CDH1: variants seen among roughly 807,000 people sequenced by gnomAD.
CDH1 encodes cadherin 1.
CDH1 carries 35 observed loss-of-function variants against 84.5 expected under a neutral mutation model. The observed-to-expected ratio is 0.41, with a 90% CI of 0.32 to 0.55. CDH1 has a LOEUF of 0.55. Ranked by LOEUF, CDH1 falls within the 20% of genes least tolerant of loss-of-function variation. The pLI, the probability that CDH1 is intolerant of heterozygous loss-of-function variation, is 0.19. For missense variants in CDH1, 994 were observed against 1,126.6 expected, an observed-to-expected ratio of 0.88 and a Z score of 1.68; for synonymous variants, 417 against 439.0, an observed-to-expected ratio of 0.95 and a Z score of 0.63.
chr16:68,743,207 C>T (rs1006249264), intron 2 of CDH1, among the ~76,000 whole-genome samples: 1 of 152,198 alleles, frequency 6.6e-6, no homozygotes, highest in Non-Finnish European at 1.5e-5. Flanking sequence ...GGCTGAAGCT[C>T]TCGTATCTCC....
At chr16:68,748,767 A>G (rs1962813288) in intron 2 of CDH1, among the ~76,000 whole-genome samples, 1 of 152,250 alleles carries the variant, frequency 6.6e-6, no homozygotes, top group South Asian at 2.1e-4. Flanking sequence ...CCACTGTCCC[A>G]GTGGAGGTTT....
chr16:68,821,409 G>A (rs538814290), intron 11 of CDH1, among the ~76,000 whole-genome samples: 9 of 150,832 alleles, frequency 6.0e-5, no homozygotes, highest in Admixed American at 6.0e-4. Flanking sequence ...GGTAGAGGCT[G>A]CAGTGAACTG....
In CDH1 at chr16:68,813,218, G is replaced by C; in HGVS notation, c.1138-95G>C. 6 of 1,290,722 alleles carry C rather than the reference G, an allele frequency of 4.6e-6. No individual in the cohort carries two copies. The East Asian group carries it at 1.2e-4, about 25-fold the overall frequency. The allele number at this position is 1,290,722 out of a possible 1,614,324, so 80.0% of individuals were successfully genotyped here. ...GTGACAGTGAGATCTTATCTCAAAAGAACAACAAAAAAAGAGGAATCCTTT... is the reference window on the plus strand; with the variant it reads ...GTGACAGTGAGATCTTATCTCAAAACAACAACAAAAAAAGAGGAATCCTTT... On this transcript the variant is annotated intron_variant, in intron 8 of 15. Transcript: ENST00000261769.
rs35850298 is a variant in CDH1, at chr16:68,830,002, G to A, written c.2439+205G>A. On this transcript the variant is annotated intron_variant, in intron 15 of 15. Transcript: ENST00000261769. ...GACGAAGTTTCACTCTTGTTGCCCA[G>A]GCTGGAGTGCAATGGCGCAATCTTT... 1.2e-4 allele frequency among the ~76,000 whole-genome samples: 17 copies of A among 146,430 alleles called. No individual in the cohort carries two copies. The East Asian group carries it at 3.2e-3, about 27-fold the overall frequency.
chr16:68,832,457 C>G (rs1403582987), intron 15 of CDH1, among the ~76,000 whole-genome samples: 1 of 151,760 alleles, frequency 6.6e-6, no homozygotes, highest in Non-Finnish European at 1.5e-5. Flanking sequence ...GCCTTGGTGA[C>G]AGAGCAAGAC....
intron 2 of CDH1, among the ~76,000 whole-genome samples, chr16:68,782,753 A>G (rs1486877583): frequency 6.6e-6 from 1 of 152,112 alleles, no homozygotes; most frequent in Non-Finnish European, 1.5e-5. Flanking sequence ...AGTCAGCCCT[A>G]GAATTGTTGA....
Position 68,801,811 on chromosome 16 carries a change from C to A in CDH1, c.305C>A (p.Ala102Asp), listed in dbSNP as rs786202689. 1 of 1,614,184 alleles carries A rather than the reference C, an allele frequency of 6.2e-7. No homozygotes were observed. Among genetic ancestry groups the A allele is most frequent in the Non-Finnish European group, 8.5e-7 (1 of 1,180,026 alleles). ...HNPQIHFLVY[A>D]WDSTYRKFST... ...CCACAGATCCATTTCTTGGTCTACG[C>A]CTGGGACTCCACCTACAGAAAGTTT... is the stretch of plus-strand genomic sequence containing the variant. The change falls in exon 3 of 16, where the codon GCC (alanine) becomes GAC (aspartate). Residue 102 changes from alanine to aspartate, a missense_variant. Around this residue, in one of 3 missense-constraint regions of CDH1, gnomAD observed 203 missense variants for 194.0 expected, o/e 1.05. Coordinates refer to ENST00000261769, the MANE Select transcript of CDH1 (RefSeq NM_004360.5).
chr16:68,762,912 CAAAAAAAAAAAAAAAAAAA>C (rs55899466), intron 2 of CDH1, among the ~76,000 whole-genome samples: 5 of 61,480 alleles, frequency 8.1e-5, no homozygotes, highest in South Asian at 9.3e-4. Flanking sequence ...GATTCCGTCT[CAAAAAAAAAAAAAAAAAAA>C]AAAAAAAAAA....
intron 2 of CDH1, among the ~76,000 whole-genome samples, chr16:68,740,331 C>A (rs894240374): frequency 6.6e-6 from 1 of 152,100 alleles, no homozygotes; most frequent in East Asian, 1.9e-4. Flanking sequence ...AGAGAAACTA[C>A]AGCTCGACTG....
At chr16:68,816,748 C>CAAAAACA (rs36068790) in intron 10 of CDH1, among the ~76,000 whole-genome samples, 17,617 of 150,908 alleles carry the variant, frequency 0.12, 1,958 homozygotes, top group African/African-American at 0.29. Flanking sequence ...GACTCCATCT[C>CAAAAACA]AAAAACAAAA....
At chr16:68,823,669 A>G (rs745520449) in intron 13 of CDH1, 43 bp downstream of exon 13, 1 of 1,293,016 alleles carries the variant, frequency 7.7e-7, no homozygotes, top group Non-Finnish European at 1.1e-6. Context: ...ACTTAAAAAA[A>G]TGGAGGAGGT....
At chr16:68,831,204 G>A (rs532858887) in intron 15 of CDH1, among the ~76,000 whole-genome samples, 10 of 145,276 alleles carry the variant, frequency 6.9e-5, no homozygotes, top group East Asian at 6.4e-4. Flanking sequence ...TCAGCCTCCC[G>A]AGTAGCTGTG....
At chr16:68,805,797 G>A (rs1960639351) in intron 3 of CDH1, among the ~76,000 whole-genome samples, 1 of 152,162 alleles carries the variant, frequency 6.6e-6, no homozygotes, top group South Asian at 2.1e-4. Context: ...ATTTCACCAT[G>A]TTGGCCAGGC....
chr16:68,802,009 T>C lies in CDH1; in HGVS notation c.387+116T>C, dbSNP rs35695180. 5.7e-4 allele frequency: 482 copies of C among 852,486 alleles called. 3 individuals carry two copies. In the African/African-American group the frequency reaches 7.2e-3, roughly 13 times the overall value. 52.8% of individuals were successfully genotyped at this position (852,486 alleles called of 1,614,324 possible). A position where few individuals can be genotyped will look rare whatever the true frequency, so the allele number is the denominator to read the frequency against. On this transcript the variant is annotated intron_variant, in intron 3 of 15. Coordinates refer to ENST00000261769, the MANE Select transcript of CDH1 (RefSeq NM_004360.5). ...CTGGATGATTTTGTGTTGTAGGGGTTGTCCTGTGCACTGTGTAGGATGTTT... is the reference window on the plus strand; with the variant it reads ...CTGGATGATTTTGTGTTGTAGGGGTCGTCCTGTGCACTGTGTAGGATGTTT...
chr16:68,828,163 C>A lies in CDH1; in HGVS notation c.2165-11C>A, dbSNP rs766659597. 2.5e-6 allele frequency: 4 copies of A among 1,613,660 alleles called. No homozygotes were observed. The highest frequency in any genetic ancestry group is 4.5e-5 in the East Asian group (2 of 44,866). On this transcript the variant is annotated splice_polypyrimidine_tract_variant and intron_variant, in intron 13 of 15. Coordinates refer to ENST00000261769, the MANE Select transcript of CDH1 (RefSeq NM_004360.5). ...CTCTCAACACTTGCTCTGTCTCCCC[C>A]ACCATCCCAGTTCTGATTCTGCTGC...
intron 2 of CDH1, among the ~76,000 whole-genome samples, chr16:68,743,662 G>A (rs1348899128): frequency 6.6e-6 from 1 of 151,950 alleles, no homozygotes; most frequent in Non-Finnish European, 1.5e-5. Context: ...CACCGAGCCG[G>A]GCCCCTTCCT....
At chr16:68,786,534 CTTTTTTTTTTTT>C (rs3074434) in intron 2 of CDH1, among the ~76,000 whole-genome samples, 2 of 73,946 alleles carry the variant, frequency 2.7e-5, no homozygotes, top group East Asian at 4.1e-4. Flanking sequence ...TTTTTTTTTT[CTTTTTTTTTTTT>C]TTTTTTTGGT....
intron 2 of CDH1, among the ~76,000 whole-genome samples, chr16:68,783,821 C>G (rs1959956765): frequency 6.6e-6 from 1 of 152,196 alleles, no homozygotes; most frequent in African/African-American, 2.4e-5. Flanking sequence ...GGACTACAGG[C>G]ACCTACCACC....
chr16:68,751,222 T>G (rs1381672686), intron 2 of CDH1, among the ~76,000 whole-genome samples: 1 of 152,188 alleles, frequency 6.6e-6, no homozygotes. Flanking sequence ...CTAAGTCCTT[T>G]CTATGACTTC....
Sources: allele counts gnomAD v4.1 joint callset (sites outside exome capture counted in the v4.1 genomes callset), GRCh38; gene constraint gnomAD v4.1.1; regional missense constraint gnomAD v4.1.1; transcripts MANE v1.5; gene names NCBI Gene and HGNC (gene_info 2026-07-23, HGNC 2026-07-21).